Variants in DISP1 observed in about 807,000 individuals in gnomAD.
DISP1 encodes protein dispatched homolog 1.
DISP1 carries 30 observed loss-of-function variants against 37.3 expected under a neutral mutation model. The ratio of observed to expected loss-of-function variants is 0.80; its 90% CI spans 0.60 to 1.09. DISP1 has a LOEUF of 1.09. DISP1 is among the 50% of genes least tolerant of loss of function. The pLI is 0.00. For synonymous variants in DISP1, 634 were observed against 690.2 expected, an observed-to-expected ratio of 0.92 and a Z score of 1.28; for missense variants, 1,598 against 1,879.5, an observed-to-expected ratio of 0.85 and a Z score of 2.77.
At chr1:222,985,434 G>A (rs377713961) in intron 4 of DISP1, among the ~76,000 whole-genome samples, 6 of 152,134 alleles carry the variant, frequency 3.9e-5, no homozygotes, top group Non-Finnish European at 5.9e-5. Context: ...GGCAGATCAC[G>A]AGGTCAGGAG....
At chr1:222,954,895 G>A (rs545928425) in intron 3 of DISP1, among the ~76,000 whole-genome samples, 1 of 151,210 alleles carries the variant, frequency 6.6e-6, no homozygotes, top group African/African-American at 2.4e-5. Context: ...GCAACTGCCT[G>A]AAATATAGGA....
At chr1:222,834,903 C>T (rs978506488) in intron 1 of DISP1, among the ~76,000 whole-genome samples, 5 of 152,012 alleles carry the variant, frequency 3.3e-5, no homozygotes, top group Admixed American at 6.6e-5. Flanking sequence ...TGCAAAATAA[C>T]GCATGTGAAG....
intron 3 of DISP1, among the ~76,000 whole-genome samples, chr1:222,965,932 G>A (rs1676444317): frequency 1.3e-5 from 2 of 152,138 alleles, no homozygotes; most frequent in Admixed American, 1.3e-4. Flanking sequence ...GGGAGGCTGA[G>A]GAGGGAGGGA....
chr1:222,977,342 C>CT (rs397982983), intron 3 of DISP1, among the ~76,000 whole-genome samples: 59,725 of 113,842 alleles, frequency 0.52, 16,664 homozygotes, highest in Non-Finnish European at 0.59. Flanking sequence ...TCAGCATATT[C>CT]TTTTTTTTTT....
intron 1 of DISP1, among the ~76,000 whole-genome samples, chr1:222,821,500 G>C (rs1383718936): frequency 6.6e-6 from 1 of 152,160 alleles, no homozygotes; most frequent in East Asian, 1.9e-4. Flanking sequence ...GGACCTGGTT[G>C]AAGGTGATTG....
chr1:222,966,103 C>T (rs1676460266), intron 3 of DISP1, among the ~76,000 whole-genome samples: 1 of 152,102 alleles, frequency 6.6e-6, no homozygotes, highest in South Asian at 2.1e-4. Flanking sequence ...TTAATTTTTA[C>T]ACTGTAGTTT....
At chr1:222,958,011 A>G (rs1327132863) in intron 3 of DISP1, among the ~76,000 whole-genome samples, 1 of 152,246 alleles carries the variant, frequency 6.6e-6, no homozygotes, top group African/African-American at 2.4e-5. Context: ...TGAAGGTAAC[A>G]TCACGTAGAA....
intron 1 of DISP1, among the ~76,000 whole-genome samples, chr1:222,885,277 A>G (rs1323033137): frequency 6.6e-6 from 1 of 152,044 alleles, no homozygotes; most frequent in Admixed American, 6.5e-5. Flanking sequence ...ATAATCCAAT[A>G]CTGTTATTAA....
intron 1 of DISP1, chr1:222,837,347 T>A (rs1572294565): frequency 2.9e-6 from 1 of 344,590 alleles, no homozygotes. Flanking sequence ...ACTTTTGTAC[T>A]GTTATGTGAG....
chr1:222,977,709 C>A, intron 3 of DISP1, among the ~76,000 whole-genome samples: 1 of 151,074 alleles, frequency 6.6e-6, no homozygotes, highest in Non-Finnish European at 1.5e-5. Flanking sequence ...CAACAGGCCC[C>A]GGTGTGTGAT....
chr1:222,953,642 A>G (rs985572742), intron 3 of DISP1, among the ~76,000 whole-genome samples: 1 of 152,246 alleles, frequency 6.6e-6, no homozygotes, highest in Admixed American at 6.5e-5. Context: ...CACTGAAACC[A>G]GGATTTATTT....
At chr1:222,934,499 A>G (rs1324468030) in intron 2 of DISP1, among the ~76,000 whole-genome samples, 1 of 152,124 alleles carries the variant, frequency 6.6e-6, no homozygotes. Flanking sequence ...CTCTGGCCAT[A>G]ACACTAAATA....
chr1:222,849,288 G>A (rs749559896), intron 1 of DISP1, among the ~76,000 whole-genome samples: 4 of 152,076 alleles, frequency 2.6e-5, no homozygotes, highest in Non-Finnish European at 5.9e-5. Context: ...GAAACACATC[G>A]TCAAGGGGCA....
intron 1 of DISP1, among the ~76,000 whole-genome samples, chr1:222,914,087 G>A (rs1672363973): frequency 6.7e-6 from 1 of 148,872 alleles, no homozygotes. Context: ...TCTTTGGGTT[G>A]TTTGAAATTC....
At chr1:222,990,479 C>G in intron 4 of DISP1, 146 bp from the exon 5 acceptor site, 2 of 1,115,344 alleles carry the variant, frequency 1.8e-6, no homozygotes, top group Non-Finnish European at 2.7e-6. Flanking sequence ...TATTGATAAA[C>G]ACCTGTATGT....
At chr1:222,949,956 A>G (rs1675087142) in intron 3 of DISP1, among the ~76,000 whole-genome samples, 1 of 152,224 alleles carries the variant, frequency 6.6e-6, no homozygotes, top group African/African-American at 2.4e-5. Context: ...GGCTGAAAAT[A>G]GTCTCTCCTC....
chr1:222,887,486 GTTTTTTTT>G (rs940346379), intron 1 of DISP1, among the ~76,000 whole-genome samples: 13 of 83,100 alleles, frequency 1.6e-4, no homozygotes, highest in African/African-American at 6.2e-4. Context: ...CATTGTTTTT[GTTTTTTTT>G]TTTTTTTTTT....
intron 2 of DISP1, among the ~76,000 whole-genome samples, chr1:222,939,830 CAA>C (rs1327970273): frequency 5.3e-5 from 6 of 114,026 alleles, no homozygotes; most frequent in Admixed American, 9.6e-5. Flanking sequence ...GAGATCCTGT[CAA>C]AAAAAAAAAA....
In DISP1 at chr1:222,992,001, G is replaced by T. The variant is rs761557353; in HGVS notation, c.792-12G>T. 3 of 1,600,580 alleles carry T rather than the reference G, an allele frequency of 1.9e-6. No individual in the cohort carries two copies. In the Admixed American group the frequency reaches 5.0e-5, roughly 27 times the overall value. ...GAACTTTATTGAAGATCAAATTGTC[G>T]TTCCATTTCAGCCATCGGGATGATA... On this transcript the variant is annotated splice_polypyrimidine_tract_variant and intron_variant, in intron 6 of 8. Transcript: ENST00000675850.
Sources: gnomAD v4.1 joint callset for allele counts (sites outside exome capture counted in the v4.1 genomes callset) on GRCh38, gnomAD v4.1.1 for gene constraint, MANE v1.5 for transcripts, NCBI Gene and HGNC (gene_info 2026-07-23, HGNC 2026-07-21) for gene names.